Variants in RASGRP1 observed in about 807,000 individuals in gnomAD.
RASGRP1 encodes RAS guanyl releasing protein 1.
RASGRP1 carries 37 observed loss-of-function variants against 95.1 expected under a neutral mutation model. The ratio of observed to expected loss-of-function variants is 0.39; its 90% CI spans 0.30 to 0.51. The LOEUF (loss-of-function observed/expected upper bound fraction) is 0.51. Among genes scored for constraint, RASGRP1 ranks in the 20% least tolerant of loss-of-function variants. The pLI, the probability that RASGRP1 is intolerant of heterozygous loss-of-function variation, is 0.80. For synonymous variants in RASGRP1, 325 were observed against 353.4 expected, an observed-to-expected ratio of 0.92 and a Z score of 0.90; for missense variants, 711 against 965.4, an observed-to-expected ratio of 0.74 and a Z score of 3.49.
Position 38,501,300 on chromosome 15 carries a change from G to T in RASGRP1, c.1539-13C>A, listed in dbSNP as rs1383030472. 1 of 1,613,148 alleles carries T rather than the reference G, an allele frequency of 6.2e-7. No homozygotes were observed. The highest frequency in any genetic ancestry group is 1.7e-5 in the Admixed American group (1 of 59,996). On this transcript the variant is annotated splice_polypyrimidine_tract_variant and intron_variant, in intron 12 of 16. Coordinates refer to ENST00000310803, the MANE Select transcript of RASGRP1 (RefSeq NM_005739.4). ...GATGAGGCCTTCCCTGCCGGCAGAT[G>T]ACCAAGGCAAGGATGTGAGTATAAG...
At chr15:38,499,111 G>T in intron 14 of RASGRP1, 165 bp from the exon 15 acceptor site, 1 of 940,802 alleles carries the variant, frequency 1.1e-6, no homozygotes, top group Non-Finnish European at 1.7e-6. Context: ...TTCTCACTTG[G>T]TGAAGCCCAG....
chr15:38,554,144 G>A (rs966155710), intron 2 of RASGRP1, among the ~76,000 whole-genome samples: 3 of 146,016 alleles, frequency 2.1e-5, no homozygotes, highest in African/African-American at 7.8e-5. Flanking sequence ...AGAATCTCTG[G>A]AGTAGCAGAA....
chr15:38,522,244 T>A (rs1424014821), intron 3 of RASGRP1, among the ~76,000 whole-genome samples: 1 of 152,234 alleles, frequency 6.6e-6, no homozygotes, highest in African/African-American at 2.4e-5. Context: ...TATATCTTTC[T>A]TAATTTGTAA....
intron 2 of RASGRP1, among the ~76,000 whole-genome samples, chr15:38,544,731 C>T (rs981637317): frequency 4.6e-5 from 7 of 152,208 alleles, no homozygotes; most frequent in Non-Finnish European, 7.3e-5. Flanking sequence ...CAGCAGAAAA[C>T]GAACTAAGAT....
chr15:38,502,546 GGAAA>G, intron 11 of RASGRP1, 125 bp from the exon 12 acceptor site: 1 of 625,182 alleles, frequency 1.6e-6, no homozygotes, highest in Non-Finnish European at 2.8e-6. Flanking sequence ...AGAGGAACAG[GGAAA>G]CCTGCTCCTT....
At chr15:38,526,558 T>C (rs192874889) in intron 2 of RASGRP1, among the ~76,000 whole-genome samples, 154 bp from the exon 3 acceptor site, 3 of 152,260 alleles carry the variant, frequency 2.0e-5, no homozygotes, top group Admixed American at 6.5e-5. Context: ...GTTTTTCTCA[T>C]CCTCCTGCTA....
chr15:38,514,450 T>A (rs1365682508), intron 6 of RASGRP1, among the ~76,000 whole-genome samples: 1 of 152,202 alleles, frequency 6.6e-6, no homozygotes, highest in Non-Finnish European at 1.5e-5. Flanking sequence ...CCACTTGTTT[T>A]TTTAAAACAA....
intron 2 of RASGRP1, among the ~76,000 whole-genome samples, chr15:38,559,040 G>A (rs1160759565): frequency 1.3e-5 from 2 of 152,152 alleles, no homozygotes; most frequent in Non-Finnish European, 2.9e-5. Context: ...GGAACAGGAA[G>A]CTGGAAATCT....
Position 38,501,144 on chromosome 15 carries a change from A to C in RASGRP1, c.1682T>G (p.Phe561Cys). 1.9e-6 allele frequency: 3 copies of C among 1,596,636 alleles called. No homozygotes were observed. The highest frequency in any genetic ancestry group is 2.6e-6 in the Non-Finnish European group (3 of 1,172,560). Residue 561 changes from phenylalanine (F) to cysteine (C), a missense_variant and splice_region_variant, in exon 13 of 17, where the codon TTT becomes TGT. Phe to Cys is a radical substitution (Grantham distance 205, BLOSUM62 -2). Around this residue, in one of 3 missense-constraint regions of RASGRP1, gnomAD observed 8 missense variants for 40.9 expected, o/e 0.20. Transcript: ENST00000310803. ...TGGAGCACCCTAAGAACAACTTACA[A>C]ATCCAGCACAGTTGTCACAAAAAGT... ...KPTFCDNCAG[F>C]LWGVIKQGYR...
intron 2 of RASGRP1, among the ~76,000 whole-genome samples, chr15:38,547,439 A>C (rs1242283367): frequency 6.6e-6 from 1 of 152,124 alleles, no homozygotes; most frequent in Non-Finnish European, 1.5e-5. Context: ...CCTTTCCCTC[A>C]GATAAGATAG....
chr15:38,497,660 C>G (rs1002155234), intron 15 of RASGRP1, among the ~76,000 whole-genome samples: 1 of 152,166 alleles, frequency 6.6e-6, no homozygotes, highest in Admixed American at 6.5e-5. Context: ...CTAAACTGCT[C>G]TATATTTGTA....
chr15:38,550,701 C>G (rs1367344975), intron 2 of RASGRP1, among the ~76,000 whole-genome samples: 1 of 151,914 alleles, frequency 6.6e-6, no homozygotes, highest in Admixed American at 6.6e-5. Context: ...TTATGGGAAG[C>G]AAAAAGTTAT....
At chr15:38,564,351 G>A (rs1022885594) in intron 1 of RASGRP1, among the ~76,000 whole-genome samples, 1 of 152,102 alleles carries the variant, frequency 6.6e-6, no homozygotes, top group Non-Finnish European at 1.5e-5. Flanking sequence ...CTCACCGGAC[G>A]AGCTCTGGCC....
intron 16 of RASGRP1, among the ~76,000 whole-genome samples, chr15:38,492,620 T>C (rs1227407301): frequency 6.6e-6 from 1 of 152,194 alleles, no homozygotes; most frequent in African/African-American, 2.4e-5. Flanking sequence ...AGTGTTGATA[T>C]TAACGTATCC....
At chr15:38,532,200 G>A (rs558518330) in intron 2 of RASGRP1, among the ~76,000 whole-genome samples, 4 of 152,134 alleles carry the variant, frequency 2.6e-5, no homozygotes, top group Non-Finnish European at 5.9e-5. Flanking sequence ...AAAATGCAGG[G>A]TGTCATACTA....
rs1891106359 is a variant in RASGRP1, at chr15:38,503,162, G to GT, written c.1428+109dup. The GT allele has an allele frequency of 5.9e-6, 5 of 853,424 alleles. No homozygotes were observed. In the Admixed American group the frequency reaches 7.5e-5, roughly 13 times the overall value. The allele number at this position is 853,424 out of a possible 1,614,324, so 52.9% of individuals were successfully genotyped here. A position where few individuals can be genotyped will look rare whatever the true frequency, so the allele number is the denominator to read the frequency against. On this transcript the variant is annotated intron_variant, in intron 11 of 16. Transcript: ENST00000310803. ...ACAGTAAGAGAAGTAAGTGGTTCAA[G>GT]TTTCGTGCCTTTACATTTCCACCAT...
At chr15:38,526,560 C>T (rs1892228727) in intron 2 of RASGRP1, among the ~76,000 whole-genome samples, 156 bp from the exon 3 acceptor site, 1 of 152,172 alleles carries the variant, frequency 6.6e-6, no homozygotes, top group African/African-American at 2.4e-5. Flanking sequence ...TTTTCTCATC[C>T]TCCTGCTACA....
intron 10 of RASGRP1, 51 bp downstream of exon 10, chr15:38,505,789 G>C: frequency 7.1e-7 from 1 of 1,404,406 alleles, no homozygotes; most frequent in Non-Finnish European, 1.0e-6. Context: ...AACTCGAGGA[G>C]AAGCTTGTAA....
chr15:38,552,733 T>C (rs938128856), intron 2 of RASGRP1, among the ~76,000 whole-genome samples: 1 of 152,224 alleles, frequency 6.6e-6, no homozygotes. Flanking sequence ...ATAACTTAAT[T>C]TTCAATCATG....
Sources: allele counts gnomAD v4.1 joint callset (sites outside exome capture counted in the v4.1 genomes callset), GRCh38; gene constraint gnomAD v4.1.1; regional missense constraint gnomAD v4.1.1; transcripts MANE v1.5; gene names NCBI Gene and HGNC (gene_info 2026-07-23, HGNC 2026-07-21).